GUCY2D: variants seen among roughly 807,000 people sequenced by gnomAD.
GUCY2D encodes the protein guanylate cyclase 2D, retinal.
Under a neutral mutation model 101.3 loss-of-function variants are expected in GUCY2D, and 70 were observed. The ratio of observed to expected loss-of-function variants is 0.69; its 90% confidence interval spans 0.57 to 0.84. GUCY2D has a LOEUF of 0.84. Among genes scored for constraint, GUCY2D ranks in the 40% least tolerant of loss-of-function variants. GUCY2D has a pLI of 0.00. For missense variants in GUCY2D, 1,460 were observed against 1,542.5 expected (o/e 0.95, Z 0.90); for synonymous variants, 688 against 670.7 (o/e 1.03, Z -0.40).
rs1389913804 is a variant in GUCY2D, at chr17:8,003,773, G to T, written c.721+5G>T. 5.6e-6 allele frequency: 9 copies of T among 1,600,238 alleles called. No homozygotes were observed. The highest frequency in any genetic ancestry group is 2.7e-5 in the African/African-American group (2 of 75,034). ...GGGACGGGCCCAGGGTCACAGGTAG[G>T]CTCCCTTGCAGGGTGCGAGGAGGTC... On this transcript the variant is annotated splice_donor_5th_base_variant and intron_variant, in intron 2 of 19. Transcript: ENST00000254854.
rs769017393 is a variant in GUCY2D, at chr17:8,004,169, G to T, written c.1026+13G>T. On this transcript the variant is annotated intron_variant, in intron 3 of 19. Transcript: ENST00000254854. Reference sequence around the variant, plus strand: ...CAATCTGCAGCAGGTAGACGGTCCCGGGAGGAGGGAAGAAGGCAAGGGAGA... The same window carrying T: ...CAATCTGCAGCAGGTAGACGGTCCCTGGAGGAGGGAAGAAGGCAAGGGAGA... 2 of 1,578,980 alleles carry T rather than the reference G, an allele frequency of 1.3e-6. No homozygotes were observed. Among genetic ancestry groups the T allele is most frequent in the South Asian group, 2.3e-5 (2 of 88,702 alleles).
Position 8,009,483 on chromosome 17 carries a change from T to A in GUCY2D, c.1669-23T>A, listed in dbSNP as rs1332961480. The A allele has an allele frequency of 2.0e-6, 3 of 1,531,972 alleles. No homozygotes were observed. The Admixed American group carries it at 5.0e-5, about 26-fold the overall frequency. 94.9% of individuals were successfully genotyped at this position (1,531,972 alleles called of 1,614,324 possible). On this transcript the variant is annotated intron_variant, in intron 7 of 19. Coordinates refer to ENST00000254854, the MANE Select transcript of GUCY2D (RefSeq NM_000180.4). ...TGGGATTTTAAGAGACTGAGTTCCCTACCCCCATCCTCTTTGCTGCAGGGA... is the reference window on the plus strand; with the variant it reads ...TGGGATTTTAAGAGACTGAGTTCCCAACCCCCATCCTCTTTGCTGCAGGGA...
rs145717676 is a variant in GUCY2D, at chr17:8,013,683, C to T, written c.2264-197C>T. The T allele has an allele frequency of 1.2e-4, 75 of 611,332 alleles. No homozygotes were observed. The highest frequency in any genetic ancestry group is 9.6e-4 in the African/African-American group (52 of 54,254). The allele number at this position is 611,332 out of a possible 1,614,324, so 37.9% of individuals were successfully genotyped here. A position where few individuals can be genotyped will look rare whatever the true frequency, so the allele number is the denominator to read the frequency against. On this transcript the variant is annotated intron_variant, in intron 11 of 19. Coordinates refer to ENST00000254854, the MANE Select transcript of GUCY2D (RefSeq NM_000180.4). The surrounding 1 kb of genome is among the most constrained non-coding windows in gnomAD (Gnocchi z 5.0). ...TCACCTCTTACTGACCCCCAGAGTT[C>T]GAGGTCCTCTTGTTCCTCCTAGCAA...
Position 8,013,759 on chromosome 17 carries a change from T to G in GUCY2D, c.2264-121T>G. ...CCACACACACACACTGAACCTCTGA[T>G]GTAAAGAAACCCCTGCCAGGCACCC... On this transcript the variant is annotated intron_variant, in intron 11 of 19. Coordinates refer to ENST00000254854, the MANE Select transcript of GUCY2D (RefSeq NM_000180.4). The surrounding 1 kb of genome is among the most constrained non-coding windows in gnomAD (Gnocchi z 5.0). 1.3e-6 allele frequency: 1 copy of G among 778,210 alleles called. No individual in the cohort carries two copies. Among genetic ancestry groups the G allele is most frequent in the Non-Finnish European group, 2.2e-6 (1 of 445,502 alleles). The allele number at this position is 778,210 out of a possible 1,614,324, so 48.2% of individuals were successfully genotyped here. A position where few individuals can be genotyped will look rare whatever the true frequency, so the allele number is the denominator to read the frequency against.
intron 7 of GUCY2D, among the ~76,000 whole-genome samples, chr17:8,009,228 G>A (rs1975802179): frequency 6.6e-6 from 1 of 152,204 alleles, no homozygotes; most frequent in African/African-American, 2.4e-5. Flanking sequence ...ACTTGTGGTT[G>A]TATTAATGCA....
At chr17:8,007,625 C>G (rs1368544453) in intron 6 of GUCY2D, 97 bp downstream of exon 6, 1 of 769,044 alleles carries the variant, frequency 1.3e-6, no homozygotes, top group Admixed American at 1.9e-5. Flanking sequence ...ACTTGGGAAG[C>G]CTGATTTCTA....
intron 5 of GUCY2D, 30 bp from the exon 6 acceptor site, chr17:8,007,396 C>G (rs771139931): frequency 6.9e-7 from 1 of 1,450,764 alleles, no homozygotes; most frequent in South Asian, 1.1e-5. Flanking sequence ...ACTTGGTGCC[C>G]TTGGTGGAGG....
In GUCY2D at chr17:8,014,844, G is replaced by A. The variant is rs199708312; in HGVS notation, c.2577-15G>A. 152 of 1,613,986 alleles carry A rather than the reference G, an allele frequency of 9.4e-5. No homozygotes were observed. In the East Asian group the frequency reaches 1.7e-3, roughly 18 times the overall value. ...AGAGTGGCCCCCAGGTGACCTCACT[G>A]CCTGCCATCCCTAGGTCTGTGGCTG... On this transcript the variant is annotated splice_polypyrimidine_tract_variant and intron_variant, in intron 13 of 19. Transcript: ENST00000254854. This position sits in a 1 kb window ranked among gnomAD's most constrained non-coding sequence, Gnocchi z 4.0.
rs371160436 is a variant in GUCY2D, at chr17:8,006,542, C to T, written c.1206C>T (p.Phe402=). ...TAGGAGGAGACGAGGAGCCCCCATT[C>T]GTGCTGCTAGACACGGACGCGGCGG... ...GDLGGDEEPP[F]VLLDTDAAGD... Residue 402 remains phenylalanine (F), a synonymous_variant, in exon 4 of 20, where the codon TTC becomes TTT. Coordinates refer to ENST00000254854, the MANE Select transcript of GUCY2D (RefSeq NM_000180.4). 2 of 1,612,376 alleles carry T rather than the reference C, an allele frequency of 1.2e-6. No homozygotes were observed. The highest frequency in any genetic ancestry group is 1.7e-6 in the Non-Finnish European group (2 of 1,180,028).
At chr17:8,005,263 C>T (rs889852618) in intron 3 of GUCY2D, among the ~76,000 whole-genome samples, 6 of 152,198 alleles carry the variant, frequency 3.9e-5, no homozygotes, top group African/African-American at 7.2e-5. Context: ...AATCCCAAAA[C>T]ATAATCTCTC....
intron 3 of GUCY2D, among the ~76,000 whole-genome samples, chr17:8,005,896 TG>T (rs1486015779): frequency 1.2e-4 from 18 of 151,268 alleles, no homozygotes; most frequent in African/African-American, 4.2e-4. Flanking sequence ...TTAGTTTTTT[TG>T]TTTGTTTGTT....
At chr17:8,009,981 T>C (rs749991246) in intron 8 of GUCY2D, among the ~76,000 whole-genome samples, 3 of 150,892 alleles carry the variant, frequency 2.0e-5, no homozygotes, top group Non-Finnish European at 4.4e-5. Flanking sequence ...CTGTCAAAAT[T>C]AAGAAAGAAA....
intron 8 of GUCY2D, 85 bp downstream of exon 8, chr17:8,009,671 G>A: frequency 1.1e-6 from 1 of 913,292 alleles, no homozygotes; most frequent in South Asian, 1.3e-5. Flanking sequence ...ACAGAGGTAG[G>A]TCTCAGTTAA....
intron 5 of GUCY2D, 82 bp downstream of exon 5, chr17:8,007,226 C>A: frequency 8.8e-7 from 1 of 1,130,402 alleles, no homozygotes; most frequent in Non-Finnish European, 1.4e-6. Context: ...GCTGGGTTCA[C>A]TCAGGAGTAG....
chr17:8,008,056 G>A (rs1219709368), intron 7 of GUCY2D, 24 bp downstream of exon 7: 1 of 1,412,930 alleles, frequency 7.1e-7, no homozygotes, highest in Non-Finnish European at 1.0e-6. Context: ...CAGCCAGACA[G>A]AGAGACAGTG....
chr17:8,012,181 T>A lies in GUCY2D; in HGVS notation c.1787T>A (p.Leu596Gln), dbSNP rs780537281. 6.2e-7 allele frequency: 1 copy of A among 1,614,056 alleles called. No individual in the cohort carries two copies. The highest frequency in any genetic ancestry group is 1.3e-5 in the African/African-American group (1 of 75,046). ...CGGCATGAGAACGTGGCCCTCTACCTGGGGCTTTTCCTGGCTCGGGGAGCA... is the reference window on the plus strand; with the variant it reads ...CGGCATGAGAACGTGGCCCTCTACCAGGGGCTTTTCCTGGCTCGGGGAGCA... Reference protein sequence around the residue: ...ELRHENVALYLGLFLARGAEG... With the variant: ...ELRHENVALYQGLFLARGAEG... The change falls in exon 9 of 20, where the codon CTG becomes CAG. Residue 596 changes from leucine (L) to glutamine (Q), a missense_variant. By Grantham distance (113) the Leu-to-Gln change is moderately radical. This residue lies in a region of GUCY2D where 1,196 missense variants were observed against 1,229.6 expected (regional missense o/e 0.97). Transcript: ENST00000254854.
At position 8,014,099 on chromosome 17, in the gene GUCY2D, C is replaced by A; in HGVS notation, c.2412+71C>A. 2.2e-6 allele frequency: 3 copies of A among 1,374,802 alleles called. No homozygotes were observed. Among genetic ancestry groups the A allele is most frequent in the Non-Finnish European group, 3.1e-6 (3 of 972,356 alleles). 85.2% of individuals were successfully genotyped at this position (1,374,802 alleles called of 1,614,324 possible). ...CCAGATGCTTGTCAGCAACCTGAGA[C>A]AGCTGCAGACAGGCAGGCTGGCAGG... On this transcript the variant is annotated intron_variant, in intron 12 of 19. Coordinates refer to ENST00000254854, the MANE Select transcript of GUCY2D (RefSeq NM_000180.4). This position sits in a 1 kb window ranked among gnomAD's most constrained non-coding sequence, Gnocchi z 4.0.
chr17:8,010,821 A>AAG (rs1256216954), intron 8 of GUCY2D, among the ~76,000 whole-genome samples: 1 of 151,746 alleles, frequency 6.6e-6, no homozygotes, highest in Non-Finnish European at 1.5e-5. Flanking sequence ...AAAAAAAAAA[A>AAG]AAAAAGGAAA....
At chr17:8,008,278 G>T (rs1242214207) in intron 7 of GUCY2D, among the ~76,000 whole-genome samples, 1 of 152,138 alleles carries the variant, frequency 6.6e-6, no homozygotes, top group African/African-American at 2.4e-5. Context: ...CTCCTCAAAA[G>T]CTAACCACAG....
Sources: allele counts gnomAD v4.1 joint callset (sites outside exome capture counted in the v4.1 genomes callset), GRCh38; gene constraint gnomAD v4.1.1; regional missense constraint gnomAD v4.1.1; non-coding constraint Gnocchi (gnomAD v3.1); transcripts MANE v1.5; gene names NCBI Gene and HGNC (gene_info 2026-07-23, HGNC 2026-07-21).